The following FAM167A variants were observed in gnomAD, a reference collection of about 807,000 sequenced individuals.
FAM167A encodes family with sequence similarity 167 member A.
Under a neutral mutation model 14.9 loss-of-function variants are expected in FAM167A, and 23 were observed. That is an observed-to-expected ratio of 1.55 (90% CI 1.11 to 2.19). The LOEUF is 2.19. Among genes scored for constraint, FAM167A ranks in the 30% most tolerant of loss-of-function variants. The probability of loss-of-function intolerance (pLI) is 0.00; values close to 1 mark genes in which losing one functional copy is unlikely to be tolerated. For synonymous variants in FAM167A, 174 were observed against 117.7 expected (o/e 1.48, Z -3.10); for missense variants, 401 against 281.5 (o/e 1.42, Z -3.04).
At chr8:11,435,549 C>T (rs976897233) in intron 2 of FAM167A, among the ~76,000 whole-genome samples, 26 of 152,336 alleles carry the variant, frequency 1.7e-4, no homozygotes, top group African/African-American at 5.1e-4. Flanking sequence ...CCTGTCTCCA[C>T]GGCTGGGACA....
chr8:11,464,526 T>A (rs1807676344), intron 1 of FAM167A, among the ~76,000 whole-genome samples: 1 of 151,962 alleles, frequency 6.6e-6, no homozygotes, highest in Admixed American at 6.6e-5. Flanking sequence ...CCTTCCTGTC[T>A]CCACATGGCA....
At chr8:11,436,367 A>G (rs1806014418) in intron 2 of FAM167A, among the ~76,000 whole-genome samples, 1 of 152,238 alleles carries the variant, frequency 6.6e-6, no homozygotes, top group Admixed American at 6.5e-5. Flanking sequence ...CCAAGCAGCC[A>G]GTCCCAGGAC....
chr8:11,459,249 T>G (rs1807446257), intron 1 of FAM167A, among the ~76,000 whole-genome samples: 1 of 152,186 alleles, frequency 6.6e-6, no homozygotes, highest in Non-Finnish European at 1.5e-5. Flanking sequence ...TTATCTCTAC[T>G]GCAGGCAAGG....
intron 2 of FAM167A, among the ~76,000 whole-genome samples, chr8:11,437,610 T>G (rs1285023103): frequency 6.6e-6 from 1 of 151,046 alleles, no homozygotes; most frequent in East Asian, 1.9e-4. Flanking sequence ...TAGAATCACT[T>G]GCAGATACCT....
At chr8:11,455,729 G>A in intron 1 of FAM167A, among the ~76,000 whole-genome samples, 1 of 29,418 alleles carries the variant, frequency 3.4e-5, no homozygotes. Flanking sequence ...GTGTGTGAGT[G>A]TCGGGGGTGG....
chr8:11,441,827 C>A (rs1806457226), intron 2 of FAM167A, among the ~76,000 whole-genome samples: 1 of 152,140 alleles, frequency 6.6e-6, no homozygotes, highest in African/African-American at 2.4e-5. Context: ...CTCTCTGCCC[C>A]CACCCCCATG....
Position 11,473,671 on chromosome 8 carries a change from G to C in FAM167A, c.-398+2195C>G, listed in dbSNP as rs191435754. On this transcript the variant is annotated intron_variant, in intron 1 of 1. Transcript: ENST00000648766. ...GGTTCTATCTCTGGGTCTGCCCCTT[G>C]CTGTCAGGCTGCTTTGGGCAAATCC... 3.8e-3 allele frequency among the ~76,000 whole-genome samples: 578 copies of C among 152,258 alleles called. 2 individuals carry two copies. The highest frequency in any genetic ancestry group is 0.014 in the Middle Eastern group (4 of 294).
chr8:11,439,012 G>A (rs1033062643), intron 2 of FAM167A, among the ~76,000 whole-genome samples: 5 of 152,204 alleles, frequency 3.3e-5, no homozygotes, highest in African/African-American at 9.7e-5. Flanking sequence ...GTTTAAGCAC[G>A]GGCTTTCTGG....
chr8:11,443,185 C>A (rs1806540165), intron 2 of FAM167A, among the ~76,000 whole-genome samples: 1 of 152,190 alleles, frequency 6.6e-6, no homozygotes, highest in Admixed American at 6.5e-5. Context: ...CCTGGTGCTG[C>A]TGAGAGGCTG....
rs1417796128 is a variant in FAM167A at position 11,443,937 on chromosome 8, G to A, written c.381+94C>T. On this transcript the variant is annotated intron_variant, in intron 2 of 2. Coordinates refer to ENST00000284486, the MANE Select transcript of FAM167A (RefSeq NM_053279.3). The stretch of plus-strand genomic sequence containing the variant: ...AGAGAGAGGGGAAGAAATACATGGT[G>A]GGGGTGGGGAGACAGACAGAGAGAG... The A allele has an allele frequency of 4.3e-6, 6 of 1,410,798 alleles. No homozygotes were observed. The African/African-American group carries it at 4.3e-5, about 10-fold the overall frequency. 87.4% of individuals were successfully genotyped at this position (1,410,798 alleles called of 1,614,324 possible).
In FAM167A at chr8:11,461,328, T is replaced by A. The variant is rs540952240; in HGVS notation, c.-398+5298A>T. ...GCCATGGGAAAAAAAGAGAAGGATG[T>A]GGTTTTCCTCCCGGGAAACGCTCGA... On this transcript the variant is annotated intron_variant, in intron 1 of 2. Coordinates refer to ENST00000284486, the MANE Select transcript of FAM167A (RefSeq NM_053279.3). Among the ~76,000 whole-genome samples the A allele has an allele frequency of 2.0e-3, 307 of 152,360 alleles. 4 individuals carry two copies. The highest frequency in any genetic ancestry group is 4.6e-4 in the Non-Finnish European group (31 of 68,026).
chr8:11,454,293 C>T (rs1807144040), intron 1 of FAM167A, among the ~76,000 whole-genome samples: 1 of 152,228 alleles, frequency 6.6e-6, no homozygotes, highest in Non-Finnish European at 1.5e-5. Flanking sequence ...TGTGTGTCAC[C>T]AAGCCTAAAA....
chr8:11,465,815 G>C (rs1444187063), intron 1 of FAM167A, among the ~76,000 whole-genome samples: 2 of 152,192 alleles, frequency 1.3e-5, no homozygotes, highest in African/African-American at 4.8e-5. Context: ...CGGGGAGTTT[G>C]TGGAAACTTG....
At chr8:11,453,377 G>A (rs1317580914) in intron 1 of FAM167A, among the ~76,000 whole-genome samples, 1 of 152,212 alleles carries the variant, frequency 6.6e-6, no homozygotes, top group African/African-American at 2.4e-5. Flanking sequence ...CTGCTAATAT[G>A]TATGAAGCAC....
At chr8:11,436,639 G>A (rs1382771736) in intron 2 of FAM167A, among the ~76,000 whole-genome samples, 1 of 152,248 alleles carries the variant, frequency 6.6e-6, no homozygotes, top group Non-Finnish European at 1.5e-5. Flanking sequence ...ATTGGGGCTT[G>A]CATTACATGA....
At chr8:11,461,057 A>C (rs929257198) in intron 1 of FAM167A, among the ~76,000 whole-genome samples, 26 of 152,342 alleles carry the variant, frequency 1.7e-4, no homozygotes, top group Admixed American at 1.4e-3. Context: ...AAAATTGCCA[A>C]GAAATACTGC....
At position 11,444,252 on chromosome 8, in the gene FAM167A, C is replaced by T. The variant is rs1484451348; in HGVS notation, c.160G>A (p.Glu54Lys). The T allele has an allele frequency of 1.2e-6, 2 of 1,611,058 alleles. No homozygotes were observed. Among genetic ancestry groups the T allele is most frequent in the South Asian group, 2.2e-5 (2 of 90,996 alleles). ...CTCGGGAAGGGCCAGGTATGCTCCT[C>T]CAGCCTGGCCTGCCATTCCAGGTAG... ...PSYLEWQARL[E>K]EHTWPFPRPA... Residue 54 changes from glutamate to lysine, a missense_variant, in exon 2 of 3, where the codon GAG becomes AAG. Transcript: ENST00000284486.
intron 2 of FAM167A, among the ~76,000 whole-genome samples, chr8:11,440,545 C>A (rs962820442): frequency 6.6e-6 from 1 of 152,152 alleles, no homozygotes; most frequent in South Asian, 2.1e-4. Flanking sequence ...GCTTCCAGAC[C>A]CAGCACTGCC....
rs1563353414 is a variant in FAM167A, at chr8:11,424,254, C to T, written c.*119G>A. The T allele has an allele frequency of 7.2e-7, 1 of 1,392,404 alleles. No individual in the cohort carries two copies. Among genetic ancestry groups the T allele is most frequent in the Non-Finnish European group, 9.8e-7 (1 of 1,024,148 alleles). 86.3% of individuals were successfully genotyped at this position (1,392,404 alleles called of 1,614,324 possible). On this transcript the variant is annotated 3_prime_UTR_variant, in exon 3 of 3. Transcript: ENST00000284486. ...AATAGGTCCTGGGGCCCTTGAGTCG[C>T]CAGTCCCAGGGACCCCTGCCTCCGG...
Sources: allele counts gnomAD v4.1 joint callset (sites outside exome capture counted in the v4.1 genomes callset), GRCh38; gene constraint gnomAD v4.1.1; transcripts MANE v1.5; gene names NCBI Gene and HGNC (gene_info 2026-07-23, HGNC 2026-07-21).